PARVB: variants seen among roughly 807,000 people sequenced by gnomAD.
PARVB encodes beta-parvin.
In PARVB, 46 loss-of-function variants were observed where a neutral mutation model predicts 47.0. The ratio of observed to expected loss-of-function variants is 0.98; its 90% CI spans 0.77 to 1.25. The LOEUF (loss-of-function observed/expected upper bound fraction) is 1.25, where lower values mean the gene tolerates loss of function less well. PARVB is among the 50% of genes most tolerant of loss of function. The pLI, the probability that PARVB is intolerant of heterozygous loss-of-function variation, is 0.00. For missense variants in PARVB, 473 were observed against 471.6 expected (o/e 1.00, Z -0.03); for synonymous variants, 196 against 196.3 (o/e 1.00, Z 0.01).
At position 44,102,189 on chromosome 22, in the gene PARVB, C is replaced by T. The variant is rs369425761; in HGVS notation, c.273+2066C>T. Among the ~76,000 whole-genome samples, 199 of 152,254 alleles carry T rather than the reference C, an allele frequency of 1.3e-3. 2 individuals carry two copies. The South Asian group carries it at 0.03, about 23-fold the overall frequency. On this transcript the variant is annotated intron_variant, in intron 3 of 12. Coordinates refer to ENST00000338758, the MANE Select transcript of PARVB (RefSeq NM_013327.5). ...TCCAGGTGCTGGCACTAGCAGTCCCCGGCAGAGAGAGGTGAATCCCAACTT... is the reference window on the plus strand; with the variant it reads ...TCCAGGTGCTGGCACTAGCAGTCCCTGGCAGAGAGAGGTGAATCCCAACTT...
rs2053905530 is a variant in PARVB at position 44,155,222 on chromosome 22, G to T, written c.844-2760G>T. On this transcript the variant is annotated intron_variant, in intron 10 of 12. Coordinates refer to ENST00000338758, the MANE Select transcript of PARVB (RefSeq NM_013327.5). The surrounding 1 kb of genome is among the most constrained non-coding windows in gnomAD (Gnocchi z 4.8). ...AGAATTAAACTGGAGGCGATGGGCA[G>T]TGTGAGGACTGGGTGAGATGGCGCA... Among the ~76,000 whole-genome samples the T allele has an allele frequency of 6.6e-6, 1 of 152,184 alleles. No homozygotes were observed. The highest frequency in any genetic ancestry group is 2.4e-5 in the African/African-American group (1 of 41,432).
chr22:44,079,007 GT>G (rs569051558), intron 1 of PARVB, among the ~76,000 whole-genome samples: 41 of 152,306 alleles, frequency 2.7e-4, no homozygotes, highest in African/African-American at 9.9e-4. Flanking sequence ...GATAACAGGC[GT>G]GAGCCACCGC....
At chr22:44,154,534 G>GGTGTGTGTGT (rs111362553) in intron 10 of PARVB, among the ~76,000 whole-genome samples, 1 of 144,898 alleles carries the variant, frequency 6.9e-6, no homozygotes, top group Non-Finnish European at 1.5e-5. Context: ...TAGTCTGGTG[G>GGTGTGTGTGT]GTGTGTGTGT....
In PARVB at chr22:44,056,922, G is replaced by A. The variant is rs561108613; in HGVS notation, c.112+32471G>A. 1.0e-4 allele frequency among the ~76,000 whole-genome samples: 10 copies of A among 98,972 alleles called. No homozygotes were observed. In the East Asian group the frequency reaches 3.3e-3, roughly 33 times the overall value. The allele number at this position is 98,972 out of a possible 152,430, so 64.9% of individuals were successfully genotyped here. A position where few individuals can be genotyped will look rare whatever the true frequency, so the allele number is the denominator to read the frequency against. ...GCCCAGGGGTTAGAGGCTTGGGACC[G>A]AGCTGGGGGCTGAGCTGGGGGTGGA... On this transcript the variant is annotated intron_variant, in intron 1 of 12. Transcript: ENST00000338758.
At chr22:44,047,555 G>A (rs1455607054) in intron 1 of PARVB, among the ~76,000 whole-genome samples, 1 of 152,110 alleles carries the variant, frequency 6.6e-6, no homozygotes, top group Non-Finnish European at 1.5e-5. Context: ...CAGCTATTTG[G>A]GAGGCTGAGG....
intron 8 of PARVB, chr22:44,142,377 C>CAAAAAAA (rs3053819): frequency 5.3e-5 from 3 of 57,044 alleles, no homozygotes; most frequent in Non-Finnish European, 6.5e-5. Context: ...GACTCTGTCT[C>CAAAAAAA]AAAAAAAAAA....
chr22:44,021,276 G>A (rs796828335), upstream of PARVB, among the ~76,000 whole-genome samples: 3 of 152,206 alleles, frequency 2.0e-5, no homozygotes, highest in East Asian at 1.9e-4. Flanking sequence ...TGGGGGTCCC[G>A]TGACCCTCAG....
chr22:44,158,114 G>A (rs774141929), intron 11 of PARVB, 31 bp downstream of exon 11: 3 of 1,425,738 alleles, frequency 2.1e-6, no homozygotes, highest in African/African-American at 2.8e-5. Flanking sequence ...CTTGGTAGGG[G>A]CTCAAGAAAT....
intron 11 of PARVB, among the ~76,000 whole-genome samples, chr22:44,159,439 C>T (rs1176266818): frequency 6.6e-6 from 1 of 152,138 alleles, no homozygotes; most frequent in Non-Finnish European, 1.5e-5. Context: ...CCCTGGCCTG[C>T]GAGGCTTGAG....
rs1372250336 is a variant in PARVB at position 44,069,529 on chromosome 22, C to CT, written c.113-24389dup. Reference sequence around the variant, plus strand: ...ATACTGTGGGTTTCTCTCTCTCTGTCTTTTTTTTTTCTCTCTGAGATGGAG... The same window carrying CT: ...ATACTGTGGGTTTCTCTCTCTCTGTCTTTTTTTTTTTCTCTCTGAGATGGAG... On this transcript the variant is annotated intron_variant, in intron 1 of 12. Coordinates refer to ENST00000338758, the MANE Select transcript of PARVB (RefSeq NM_013327.5). Among the ~76,000 whole-genome samples the CT allele has an allele frequency of 7.7e-3, 1,148 of 149,718 alleles. 17 individuals carry two copies. Among genetic ancestry groups the CT allele is most frequent in the African/African-American group, 0.027 (1,089 of 40,856 alleles).
At chr22:44,007,960 G>A (rs1435847616) in intron 2 of PARVB, among the ~76,000 whole-genome samples, 2 of 152,130 alleles carry the variant, frequency 1.3e-5, no homozygotes, top group Admixed American at 6.5e-5. Flanking sequence ...CTAGCATCAT[G>A]TCCTCAAAGT....
Position 44,170,005 on chromosome 22 carries a change from ATT to A in PARVB, c.*1343_*1344del, listed in dbSNP as rs35824884. 19,559 of 127,654 alleles carry A rather than the reference ATT, an allele frequency of 0.15. 1,964 individuals carry two copies. The highest frequency in any genetic ancestry group is 0.23 in the African/African-American group (6,993 of 30,890). The allele number at this position is 127,654 out of a possible 1,614,324, so 7.9% of individuals were successfully genotyped here. ...AGGCGTGAGCCACTGTGCCCAGCCT[ATT>A]TTTTTTTTTTTTTTTGAGACAAGTT... On this transcript the variant is annotated 3_prime_UTR_variant, in exon 13 of 13. Coordinates refer to ENST00000338758, the MANE Select transcript of PARVB (RefSeq NM_013327.5).
chr22:44,163,309 A>AAAT (rs904946891), intron 11 of PARVB, among the ~76,000 whole-genome samples: 1 of 152,078 alleles, frequency 6.6e-6, no homozygotes, highest in East Asian at 1.9e-4. Context: ...TCTCTAAAAA[A>AAAT]AATAATAATA....
At chr22:44,027,242 A>G (rs982832631) in intron 1 of PARVB, among the ~76,000 whole-genome samples, 27 of 152,182 alleles carry the variant, frequency 1.8e-4, no homozygotes, top group Non-Finnish European at 3.8e-4. Flanking sequence ...GCCCGTGTGC[A>G]GAGAAGACCA....
intron 2 of PARVB, among the ~76,000 whole-genome samples, chr22:44,094,455 G>A (rs540388121): frequency 6.6e-5 from 10 of 152,294 alleles, no homozygotes; most frequent in South Asian, 2.1e-4. Context: ...TGAGGCAGAG[G>A]CAGAAGGAGC....
chr22:44,047,545 C>A (rs1366772707), intron 1 of PARVB, among the ~76,000 whole-genome samples: 1 of 152,078 alleles, frequency 6.6e-6, no homozygotes, highest in African/African-American at 2.4e-5. Context: ...CCTGTAATCC[C>A]AGCTATTTGG....
At chr22:44,151,684 A>G in intron 10 of PARVB, 133 bp downstream of exon 10, 2 of 695,556 alleles carry the variant, frequency 2.9e-6, no homozygotes, top group South Asian at 3.1e-5. Context: ...TGGTGCAGGC[A>G]GAAATAACCA....
At chr22:44,021,805 ACACACACAC>A (rs2050653190), upstream of PARVB, among the ~76,000 whole-genome samples, 1 of 142,816 alleles carries the variant, frequency 7.0e-6, no homozygotes, top group African/African-American at 2.7e-5. Context: ...ACACACACAC[ACACACACAC>A]ACAGGGCCTA....
At chr22:44,140,860 A>G in intron 8 of PARVB, 1 of 217,084 alleles carries the variant, frequency 4.6e-6, no homozygotes, top group Non-Finnish European at 9.7e-6. Context: ...AAAGCCTGAG[A>G]CCTCATCTTC....
Sources: allele counts gnomAD v4.1 joint callset (sites outside exome capture counted in the v4.1 genomes callset), GRCh38; gene constraint gnomAD v4.1.1; non-coding constraint Gnocchi (gnomAD v3.1); transcripts MANE v1.5; gene names NCBI Gene and HGNC (gene_info 2026-07-23, HGNC 2026-07-21).